MARCHF1: variants seen among roughly 807,000 people sequenced by gnomAD.
MARCHF1 encodes the protein membrane associated ring-CH-type finger 1, also known as E3 ubiquitin-protein ligase MARCHF1.
A neutral mutation model predicts 54.2 loss-of-function variants in MARCHF1; 40 were observed. The observed-to-expected ratio is 0.74, with a 90% CI of 0.57 to 0.96. The LOEUF is 0.96. Among genes scored for constraint, MARCHF1 ranks in the 40% least tolerant of loss-of-function variants. The pLI, the probability that MARCHF1 is intolerant of heterozygous loss-of-function variation, is 0.00. For missense variants in MARCHF1, 586 were observed against 656.5 expected (o/e 0.89, Z 1.17); for synonymous variants, 236 against 236.3 (o/e 1.00, Z 0.01).
intron 3 of MARCHF1, among the ~76,000 whole-genome samples, chr4:163,892,763 A>G (rs1417812956): frequency 1.3e-5 from 2 of 152,138 alleles, no homozygotes; most frequent in East Asian, 3.9e-4. Context: ...AAGAGCTGGT[A>G]AGGGTCTGAA....
At chr4:164,197,828 C>G in intron 1 of MARCHF1, 11 of 1,501,588 alleles carry the variant, frequency 7.3e-6, no homozygotes, top group Non-Finnish European at 9.7e-6. Context: ...GCTCGGTTCT[C>G]GAGCCCCAAT....
intron 4 of MARCHF1, among the ~76,000 whole-genome samples, chr4:163,730,469 T>C (rs1745792759): frequency 6.6e-6 from 1 of 152,118 alleles, no homozygotes; most frequent in African/African-American, 2.4e-5. Flanking sequence ...CTTCTGATTG[T>C]TTTGTTGAAA....
intron 3 of MARCHF1, among the ~76,000 whole-genome samples, chr4:163,985,218 G>T (rs1752838825): frequency 1.3e-5 from 2 of 152,000 alleles, no homozygotes; most frequent in African/African-American, 4.8e-5. Context: ...GTAACCACTG[G>T]TTTTGCTAAC....
rs921414965 is a variant in MARCHF1, at chr4:163,619,705, G to A, written c.163-6312C>T. ...AAAAATGGCGTTGACTGGTCATTTG[G>A]AAGAATGTAAACCTGAGTCTACTGG... On this transcript the variant is annotated intron_variant, in intron 5 of 9. Transcript: ENST00000514618. Among the ~76,000 whole-genome samples the A allele has an allele frequency of 5.3e-5, 8 of 151,866 alleles. 1 individual carries two copies. Among genetic ancestry groups the A allele is most frequent in the Middle Eastern group, 6.8e-3 (2 of 294 alleles).
chr4:164,128,168 C>T (rs2915270), intron 1 of MARCHF1, among the ~76,000 whole-genome samples: 25,085 of 151,934 alleles, frequency 0.17, 2,504 homozygotes, highest in East Asian at 0.48. Context: ...GAACATCAGA[C>T]ATCAAATCTA....
At chr4:163,743,435 T>G (rs1175104224) in intron 4 of MARCHF1, among the ~76,000 whole-genome samples, 1 of 152,200 alleles carries the variant, frequency 6.6e-6, no homozygotes, top group African/African-American at 2.4e-5. Context: ...ATGAGAGAAA[T>G]GTAACGTTGA....
chr4:164,293,270 T>C (rs180877102), intron 1 of MARCHF1, among the ~76,000 whole-genome samples: 38 of 151,758 alleles, frequency 2.5e-4, no homozygotes, highest in African/African-American at 8.2e-4. Context: ...TTGCAACAAA[T>C]AGCAGAGTGT....
At chr4:163,996,537 T>C (rs1392529883) in intron 2 of MARCHF1, among the ~76,000 whole-genome samples, 1 of 152,074 alleles carries the variant, frequency 6.6e-6, no homozygotes, top group Non-Finnish European at 1.5e-5. Flanking sequence ...ATTAGTTGAC[T>C]ATATAAATAT....
At chr4:163,649,057 TC>T (rs1330149736) in intron 5 of MARCHF1, among the ~76,000 whole-genome samples, 1 of 152,106 alleles carries the variant, frequency 6.6e-6, no homozygotes, top group African/African-American at 2.4e-5. Context: ...TAGCTTGAGA[TC>T]CAAGGCTTAT....
intron 1 of MARCHF1, among the ~76,000 whole-genome samples, chr4:164,123,769 C>T (rs1756125001): frequency 6.6e-6 from 1 of 151,996 alleles, no homozygotes; most frequent in Admixed American, 6.6e-5. Context: ...AAACTAGACC[C>T]CTAGCTTTTG....
chr4:163,977,746 T>C (rs1382881054), intron 3 of MARCHF1, among the ~76,000 whole-genome samples: 4 of 152,214 alleles, frequency 2.6e-5, no homozygotes, highest in Non-Finnish European at 4.4e-5. Flanking sequence ...TAAGAGAAGT[T>C]TTGATGTGAT....
At chr4:163,823,520 T>A (rs1177979000) in intron 4 of MARCHF1, among the ~76,000 whole-genome samples, 1 of 151,872 alleles carries the variant, frequency 6.6e-6, no homozygotes, top group Non-Finnish European at 1.5e-5. Context: ...TTAAAAGAAC[T>A]ATTACGTATA....
At chr4:164,227,599 C>T (rs1383864403) in intron 1 of MARCHF1, among the ~76,000 whole-genome samples, 1 of 152,050 alleles carries the variant, frequency 6.6e-6, no homozygotes, top group African/African-American at 2.4e-5. Flanking sequence ...TTTCTATTTA[C>T]CTCAGTGATA....
chr4:163,552,359 A>G (rs1433427219), intron 8 of MARCHF1, among the ~76,000 whole-genome samples: 1 of 152,208 alleles, frequency 6.6e-6, no homozygotes, highest in Admixed American at 6.5e-5. Flanking sequence ...ATCTTGAGAC[A>G]GTGTGTGCAC....
chr4:163,723,023 C>T (rs1745530035), intron 4 of MARCHF1, among the ~76,000 whole-genome samples: 1 of 152,152 alleles, frequency 6.6e-6, no homozygotes, highest in African/African-American at 2.4e-5. Context: ...AGCCCATTTA[C>T]ATTTAAGGTT....
chr4:164,189,137 G>A (rs12186277), intron 1 of MARCHF1: 17 of 622,670 alleles, frequency 2.7e-5, no homozygotes, highest in African/African-American at 5.5e-5. Flanking sequence ...ACTCATCTGC[G>A]TGCAGAAGAC....
chr4:163,789,372 G>T (rs1256794081), intron 4 of MARCHF1, among the ~76,000 whole-genome samples: 1 of 151,902 alleles, frequency 6.6e-6, no homozygotes, highest in African/African-American at 2.4e-5. Flanking sequence ...GCGAAGGAGA[G>T]GATCAGGAAA....
rs188737725 is a variant in MARCHF1 at position 163,973,947 on chromosome 4, G to A, written c.-39+14554C>T. On this transcript the variant is annotated intron_variant, in intron 3 of 9. Transcript: ENST00000514618. Reference sequence around the variant, plus strand: ...TGTATAGCACAGTAGGAAAAAATAAGGTAATACAGTAATTTTTGAATATGG... The same window carrying A: ...TGTATAGCACAGTAGGAAAAAATAAAGTAATACAGTAATTTTTGAATATGG... 2.6e-5 allele frequency among the ~76,000 whole-genome samples: 4 copies of A among 152,278 alleles called. No individual in the cohort carries two copies. In the East Asian group the frequency reaches 7.7e-4, roughly 29 times the overall value.
At chr4:163,822,065 A>G (rs1486461763) in intron 4 of MARCHF1, among the ~76,000 whole-genome samples, 1 of 151,958 alleles carries the variant, frequency 6.6e-6, no homozygotes, top group African/African-American at 2.4e-5. Flanking sequence ...AAAACTTTTA[A>G]TTACTTTTTA....
Sources: gnomAD v4.1 joint callset for allele counts (sites outside exome capture counted in the v4.1 genomes callset) on GRCh38, gnomAD v4.1.1 for gene constraint, MANE v1.5 for transcripts, NCBI Gene and HGNC (gene_info 2026-07-23, HGNC 2026-07-21) for gene names.